The following TIAM2 variants were observed in gnomAD, a reference collection of about 807,000 sequenced individuals.
TIAM2 encodes the protein rho guanine nucleotide exchange factor TIAM2.
Under a neutral mutation model 152.9 loss-of-function variants are expected in TIAM2, and 80 were observed. The ratio of observed to expected loss-of-function variants is 0.52; its 90% CI spans 0.44 to 0.63. The LOEUF is 0.63. TIAM2 is among the 30% of genes least tolerant of loss of function. The probability of loss-of-function intolerance (pLI) is 0.00; values close to 1 mark genes in which losing one functional copy is unlikely to be tolerated. For missense variants in TIAM2, 1,965 were observed against 2,120.1 expected (o/e 0.93, Z 1.44); for synonymous variants, 804 against 838.0 (o/e 0.96, Z 0.70).
At chr6:155,226,810 T>C (rs974267848) in intron 15 of TIAM2, among the ~76,000 whole-genome samples, 5 of 152,340 alleles carry the variant, frequency 3.3e-5, no homozygotes, top group Non-Finnish European at 5.9e-5. Flanking sequence ...TCAGAGCCCG[T>C]GCCCCTGTGT....
chr6:155,005,128 A>G (rs1368564685), intron 1 of TIAM2: 2 of 238,514 alleles, frequency 8.4e-6, no homozygotes. Context: ...GCTCTCTCCA[A>G]TTAGCCTGGC....
intron 2 of TIAM2, among the ~76,000 whole-genome samples, chr6:155,094,128 T>C (rs1249178186): frequency 2.0e-5 from 3 of 152,166 alleles, no homozygotes. Context: ...AAATTTTTAG[T>C]GTTTCTTCAA....
chr6:155,061,918 C>T (rs1215094322), intron 1 of TIAM2, among the ~76,000 whole-genome samples: 7 of 152,130 alleles, frequency 4.6e-5, no homozygotes, highest in Non-Finnish European at 2.9e-5. Context: ...GCCACCACCA[C>T]AGTGCTGTAC....
At chr6:155,191,941 T>C (rs983899582) in intron 14 of TIAM2, among the ~76,000 whole-genome samples, 1 of 152,196 alleles carries the variant, frequency 6.6e-6, no homozygotes, top group Non-Finnish European at 1.5e-5. Context: ...CCCCAGAACC[T>C]GTGAATATGG....
At position 155,250,997 on chromosome 6, in the gene TIAM2, A is replaced by C; in HGVS notation, c.4036A>C (p.Lys1346Gln). Reference protein sequence around the residue: ...NPFLSLGKARKDLELTVFVFK... With the variant: ...NPFLSLGKARQDLELTVFVFK... ...ATTTCTGTCTCTAGGAAAAGCTAGAAAGGACCTTGAGCTCACAGTATTTGG... is the reference window on the plus strand; with the variant it reads ...ATTTCTGTCTCTAGGAAAAGCTAGACAGGACCTTGAGCTCACAGTATTTGG... The change falls in exon 22 of 27, where the codon AAG (lysine) becomes CAG (glutamine). Residue 1346 changes from lysine to glutamine, a missense_variant. By Grantham distance (53) the Lys-to-Gln change is moderately conservative. Transcript: ENST00000682666. 1 of 1,614,180 alleles carries C rather than the reference A, an allele frequency of 6.2e-7. No homozygotes were observed. Among genetic ancestry groups the C allele is most frequent in the East Asian group, 2.2e-5 (1 of 44,870 alleles).
At chr6:155,219,888 A>G (rs1487285599) in intron 15 of TIAM2, among the ~76,000 whole-genome samples, 2 of 152,020 alleles carry the variant, frequency 1.3e-5, no homozygotes, top group Admixed American at 6.5e-5. Flanking sequence ...AAAAAAAAAA[A>G]GAGTGGTATT....
At chr6:155,063,974 A>C (rs1010587432) in intron 1 of TIAM2, among the ~76,000 whole-genome samples, 2 of 152,116 alleles carry the variant, frequency 1.3e-5, no homozygotes, top group Admixed American at 1.3e-4. Flanking sequence ...GATGTAGCCA[A>C]ATATTTATAT....
Position 155,113,566 on chromosome 6 carries a change from A to G in TIAM2, c.-117-13924A>G, listed in dbSNP as rs189011441. Reference sequence around the variant, plus strand: ...TGAAACCCCATCTCTACTTAAAAAAATACAAAAATTAGCTGGGCGTTATGG... The same window carrying G: ...TGAAACCCCATCTCTACTTAAAAAAGTACAAAAATTAGCTGGGCGTTATGG... On this transcript the variant is annotated intron_variant, in intron 2 of 26. Transcript: ENST00000682666. Among the ~76,000 whole-genome samples, 46 of 152,154 alleles carry G rather than the reference A, an allele frequency of 3.0e-4. No individual in the cohort carries two copies. The East Asian group carries it at 8.7e-3, about 29-fold the overall frequency.
intron 4 of TIAM2, among the ~76,000 whole-genome samples, chr6:155,133,645 T>C (rs1261447831): frequency 1.3e-5 from 2 of 152,146 alleles, no homozygotes; most frequent in Non-Finnish European, 2.9e-5. Context: ...TTGTACTCTC[T>C]GCTTCAATGA....
At chr6:155,221,824 G>A (rs1383080227) in intron 15 of TIAM2, among the ~76,000 whole-genome samples, 1 of 152,160 alleles carries the variant, frequency 6.6e-6, no homozygotes, top group African/African-American at 2.4e-5. Flanking sequence ...TAGAGATGGA[G>A]CTATGGAGAC....
Position 155,137,389 on chromosome 6 carries a change from C to T in TIAM2, c.1407C>T (p.Ser469=). ...YENFMRELEM[S]RTNTENIETS... is the part of the protein sequence containing the mutation. ...ATTTCATGCGAGAGTTGGAAATGAG[C>T]AGGACCAACACTGAGAACATAGAAA... The change falls in exon 5 of 27, where the codon AGC becomes AGT. Residue 469 remains serine (S), a synonymous_variant. Coordinates refer to ENST00000682666, the MANE Select transcript of TIAM2 (RefSeq NM_012454.4). The T allele has an allele frequency of 1.2e-6, 2 of 1,614,212 alleles. No individual in the cohort carries two copies. Among genetic ancestry groups the T allele is most frequent in the Non-Finnish European group, 1.7e-6 (2 of 1,180,036 alleles).
At chr6:155,254,752 C>A in intron 26 of TIAM2, 179 bp downstream of exon 26, 1 of 687,812 alleles carries the variant, frequency 1.5e-6, no homozygotes, top group Non-Finnish European at 2.3e-6. Flanking sequence ...TAAAATACAG[C>A]CACCCCCAAC....
chr6:155,096,865 C>G (rs757008793), intron 2 of TIAM2, among the ~76,000 whole-genome samples: 2 of 152,060 alleles, frequency 1.3e-5, no homozygotes, highest in Admixed American at 6.5e-5. Flanking sequence ...GGATCTATAC[C>G]CACTAGTGGG....
chr6:155,067,543 C>T (rs756720178), intron 1 of TIAM2, among the ~76,000 whole-genome samples: 2 of 152,162 alleles, frequency 1.3e-5, no homozygotes, highest in Non-Finnish European at 2.9e-5. Flanking sequence ...AGTTCTTGCC[C>T]CTCCTGACTC....
At chr6:155,217,047 G>A in intron 15 of TIAM2, 1 of 1,289,336 alleles carries the variant, frequency 7.8e-7, no homozygotes, top group Non-Finnish European at 1.0e-6. Flanking sequence ...CGTTCTCCCA[G>A]AGGGAGCAGG....
intron 21 of TIAM2, chr6:155,250,587 A>G (rs1783596752): frequency 6.5e-7 from 1 of 1,536,050 alleles, no homozygotes; most frequent in East Asian, 2.4e-5. Context: ...CCCAGGGGAA[A>G]GCTTACAAAA....
At chr6:155,215,719 A>G (rs572337840) in intron 15 of TIAM2, among the ~76,000 whole-genome samples, 29 of 136,440 alleles carry the variant, frequency 2.1e-4, no homozygotes, top group African/African-American at 7.6e-4. Context: ...TTTAAAAAAA[A>G]ATTTTAAATT....
intron 1 of TIAM2, among the ~76,000 whole-genome samples, chr6:155,084,158 T>C (rs1240080181): frequency 6.6e-6 from 1 of 152,156 alleles, no homozygotes; most frequent in African/African-American, 2.4e-5. Flanking sequence ...GTGTGAGTGT[T>C]ACTATTCTTG....
chr6:155,137,439 G>T lies in TIAM2; in HGVS notation c.1457G>T (p.Ser486Ile), dbSNP rs1779582320. The change falls in exon 5 of 27, where the codon AGC becomes ATC. Residue 486 changes from serine to isoleucine, a missense_variant. Physicochemically the swap from Ser to Ile is moderately radical, Grantham distance 142 (BLOSUM62 -2). Around this residue, in one of 3 missense-constraint regions of TIAM2, gnomAD observed 1,025 missense variants for 1,119.4 expected, o/e 0.92. Transcript: ENST00000682666. Reference sequence around the variant, plus strand: ...ACATCTACAGAAACCGCCGAGTCCAGCAGCGAGTCACTCAGCTCTCTGGAA... The same window carrying T: ...ACATCTACAGAAACCGCCGAGTCCATCAGCGAGTCACTCAGCTCTCTGGAA... ...IETSTETAES[S>I]SESLSSLEQL... 6.2e-7 allele frequency: 1 copy of T among 1,614,240 alleles called. No homozygotes were observed. Among genetic ancestry groups the T allele is most frequent in the Admixed American group, 1.7e-5 (1 of 60,032 alleles).
Sources: gnomAD v4.1 joint callset for allele counts (sites outside exome capture counted in the v4.1 genomes callset) on GRCh38, gnomAD v4.1.1 for gene constraint, gnomAD v4.1.1 regional missense constraint, MANE v1.5 for transcripts, NCBI Gene and HGNC (gene_info 2026-07-23, HGNC 2026-07-21) for gene names.